Variants in MYO15B observed in about 807,000 individuals in gnomAD.
MYO15B encodes myosin XVB pseudogene.
Under a neutral mutation model 119.3 loss-of-function variants are expected in MYO15B, and 207 were observed. The ratio of observed to expected loss-of-function variants is 1.73; its 90% CI spans 1.55 to 1.95. MYO15B has a LOEUF of 1.95. Among genes scored for constraint, MYO15B ranks in the 30% most tolerant of loss-of-function variants. The pLI is 0.00. For synonymous variants in MYO15B, 966 were observed against 498.9 expected, an observed-to-expected ratio of 1.94 and a Z score of -12.48; for missense variants, 2,264 against 1,203.1, an observed-to-expected ratio of 1.88 and a Z score of -13.04.
chr17:75,625,455 T>A (rs2058985032), intron 60 of MYO15B, 72 bp from the exon 61 acceptor site: 2 of 691,788 alleles, frequency 2.9e-6, no homozygotes, highest in East Asian at 5.4e-5. Flanking sequence ...CACTGGTTAT[T>A]TGGCACGTGC....
At chr17:75,591,981 A>T (rs2056493592) in exon 6 of MYO15B, 3 of 702,356 alleles carry the variant, frequency 4.3e-6, no homozygotes, top group Non-Finnish European at 7.8e-6. Flanking sequence ...GTACAGGTGG[A>T]GGATATGCTG....
intron 15 of MYO15B, 146 bp from the exon 16 acceptor site, chr17:75,602,371 A>C (rs1038311351): frequency 1.9e-5 from 13 of 700,034 alleles, no homozygotes; most frequent in Non-Finnish European, 3.4e-5. Context: ...ACCCAAGGCT[A>C]GGTAAAGGGC....
At chr17:75,591,827 G>A (rs753767501) in intron 5 of MYO15B, 115 bp downstream of exon 5, 7 of 680,580 alleles carry the variant, frequency 1.0e-5, no homozygotes, top group Non-Finnish European at 1.6e-5. Context: ...GAGAGGGGTG[G>A]TCTCCAGGCC....
intron 9 of MYO15B, among the ~76,000 whole-genome samples, chr17:75,594,244 G>A (rs59738204): frequency 0.056 from 8,484 of 152,206 alleles, 723 homozygotes; most frequent in African/African-American, 0.18. Flanking sequence ...GCCGTGGGGC[G>A]CAGGAAGGAA....
chr17:75,591,962 C>A lies in MYO15B; in HGVS notation c.2548-15C>A, dbSNP rs928719516. ...ACTGCTGCCCAGGGATGCTTGAACACCCCTCCCTGTACAGGTGGAGGATAT... is the reference window on the plus strand; with the variant it reads ...ACTGCTGCCCAGGGATGCTTGAACAACCCTCCCTGTACAGGTGGAGGATAT... On this transcript the variant is annotated splice_polypyrimidine_tract_variant and intron_variant, in intron 5 of 63. Transcript: ENST00000645453. 3 of 701,022 alleles carry A rather than the reference C, an allele frequency of 4.3e-6. No homozygotes were observed. Among genetic ancestry groups the A allele is most frequent in the South Asian group, 3.0e-5 (2 of 67,530 alleles). 43.4% of individuals were successfully genotyped at this position (701,022 alleles called of 1,614,324 possible).
At chr17:75,616,173 C>T (rs1460196997) in intron 37 of MYO15B, 26 bp downstream of exon 37, 9 of 565,348 alleles carry the variant, frequency 1.6e-5, no homozygotes, top group East Asian at 5.9e-5. Context: ...GTGGCAGGAC[C>T]GTGCAGAAAC....
At chr17:75,597,498 CGTGTTAAGGAAATAAT>C (rs1246343693) in intron 14 of MYO15B, among the ~76,000 whole-genome samples, 2 of 152,148 alleles carry the variant, frequency 1.3e-5, no homozygotes, top group Non-Finnish European at 2.9e-5. Flanking sequence ...ATCTGCAGCA[CGTGTTAAGGAAATAAT>C]GAATGAATGA....
chr17:75,626,261 G>A (rs1344438497), intron 63 of MYO15B, 33 bp downstream of exon 63: 1 of 701,320 alleles, frequency 1.4e-6, no homozygotes, highest in Non-Finnish European at 2.6e-6. Flanking sequence ...ACCTTGCGAA[G>A]GTGGATGTGA....
chr17:75,615,066 C>G (rs1363500486), intron 33 of MYO15B, 24 bp downstream of exon 33: 4 of 699,300 alleles, frequency 5.7e-6, no homozygotes, highest in Non-Finnish European at 7.8e-6. Flanking sequence ...TGATTCCTCA[C>G]CCAGGGCCTC....
In MYO15B at chr17:75,626,393, C is replaced by G. The variant is rs1294757076; in HGVS notation, c.9214-14C>G. ...GCTGGGGAGCCCTCTTGTAACAGGC[C>G]TTTCTCTGGGCAGGCCCAGGAGCTG... On this transcript the variant is annotated splice_polypyrimidine_tract_variant and intron_variant, in intron 63 of 63. Transcript: ENST00000645453. 1 of 703,124 alleles carries G rather than the reference C, an allele frequency of 1.4e-6. No individual in the cohort carries two copies. The highest frequency in any genetic ancestry group is 1.5e-5 in the South Asian group (1 of 67,606). The allele number at this position is 703,124 out of a possible 1,614,324, so 43.6% of individuals were successfully genotyped here.
At chr17:75,619,405 G>A (rs771675581) in exon 45 of MYO15B, 17 of 702,608 alleles carry the variant, frequency 2.4e-5, no homozygotes, top group Non-Finnish European at 3.1e-5. Context: ...CGAAGACAGC[G>A]TCAAGAAGCG....
At chr17:75,622,742 CAG>C (rs1347662328) in intron 53 of MYO15B, among the ~76,000 whole-genome samples, 1 of 152,198 alleles carries the variant, frequency 6.6e-6, no homozygotes, top group Non-Finnish European at 1.5e-5. Flanking sequence ...ATTGAGCCAG[CAG>C]AGTGTGCTGA....
exon 20 of MYO15B, chr17:75,605,509 A>G (rs2147895995): frequency 2.8e-6 from 2 of 702,194 alleles, no homozygotes; most frequent in Non-Finnish European, 5.2e-6. Context: ...AGCAGCTTCC[A>G]GGCCCTGGGG....
In MYO15B at chr17:75,616,980, C is replaced by T. The variant is rs987940283; in HGVS notation, c.6594+19C>T. ...CCCGCCGGTGAGCACCCCAGCCTGTCTCCCCCAGAGTGTGTGCTGCTGCAC... is the reference window on the plus strand; with the variant it reads ...CCCGCCGGTGAGCACCCCAGCCTGTTTCCCCCAGAGTGTGTGCTGCTGCAC... On this transcript the variant is annotated intron_variant, in intron 40 of 63. Coordinates refer to ENST00000645453, the Ensembl canonical transcript of MYO15B. 2 of 702,894 alleles carry T rather than the reference C, an allele frequency of 2.8e-6. No individual in the cohort carries two copies. Among genetic ancestry groups the T allele is most frequent in the Non-Finnish European group, 2.6e-6 (1 of 384,982 alleles). The allele number at this position is 702,894 out of a possible 1,614,324, so 43.5% of individuals were successfully genotyped here. A position where few individuals can be genotyped will look rare whatever the true frequency, so the allele number is the denominator to read the frequency against.
At chr17:75,591,912 G>C (rs2056484278) in intron 5 of MYO15B, 65 bp from the exon 6 acceptor site, 3 of 687,342 alleles carry the variant, frequency 4.4e-6, no homozygotes, top group African/African-American at 1.8e-5. Context: ...CCTGCCCCTA[G>C]CTGGGATGCC....
At position 75,589,490 on chromosome 17, in the gene MYO15B, G is replaced by A. The variant is rs1305601519; in HGVS notation, c.1433G>A (p.Arg478Gln). The change falls in exon 1 of 64, where the codon CGG becomes CAG. Residue 478 changes from arginine to glutamine, a missense_variant. Coordinates refer to ENST00000645453, the Ensembl canonical transcript of MYO15B. This position sits in a 1 kb window ranked among gnomAD's most constrained non-coding sequence, Gnocchi z 4.2. ...GGTCACGAGAGAGGTGACGAGGGCC[G>A]GGACCACCAGAGAGGGTACGAGGGG... 1 of 398,148 alleles carries A rather than the reference G, an allele frequency of 2.5e-6. No individual in the cohort carries two copies. The highest frequency in any genetic ancestry group is 4.4e-6 in the Non-Finnish European group (1 of 225,902). 24.7% of individuals were successfully genotyped at this position (398,148 alleles called of 1,614,324 possible).
chr17:75,602,079 G>C (rs747779806), intron 15 of MYO15B, among the ~76,000 whole-genome samples: 1 of 152,146 alleles, frequency 6.6e-6, no homozygotes, highest in Non-Finnish European at 1.5e-5. Context: ...TGGAATAAAG[G>C]GAAGGGCAGT....
At chr17:75,624,674 C>T (rs2058918964) in intron 58 of MYO15B, 35 bp downstream of exon 58, 1 of 702,974 alleles carries the variant, frequency 1.4e-6, no homozygotes. Flanking sequence ...GGTGGGGCCA[C>T]TCCCCTGCCC....
chr17:75,592,999 T>C (rs2056578310), intron 9 of MYO15B, 159 bp downstream of exon 9: 2 of 572,186 alleles, frequency 3.5e-6, no homozygotes, highest in African/African-American at 3.8e-5. Flanking sequence ...AGCTGAGACA[T>C]AGAGCTTCTC....
Sources: allele counts gnomAD v4.1 joint callset (sites outside exome capture counted in the v4.1 genomes callset), GRCh38; gene constraint gnomAD v4.1.1; non-coding constraint Gnocchi (gnomAD v3.1); transcripts MANE v1.5; gene names NCBI Gene and HGNC (gene_info 2026-07-23, HGNC 2026-07-21).